Variants in GAREM1 observed in about 807,000 individuals in gnomAD.
The protein encoded by GAREM1 is GRB2 associated regulator of MAPK1 subtype 1.
Under a neutral mutation model 71.3 loss-of-function variants are expected in GAREM1, and 26 were observed. That is an observed-to-expected ratio of 0.36 (90% CI 0.27 to 0.51). The LOEUF (loss-of-function observed/expected upper bound fraction) is 0.51, where lower values mean the gene tolerates loss of function less well. Among genes scored for constraint, GAREM1 ranks in the 20% least tolerant of loss-of-function variants. GAREM1 has a pLI of 0.95. For missense variants in GAREM1, 1,026 were observed against 1,103.1 expected, an observed-to-expected ratio of 0.93 and a Z score of 0.99; for synonymous variants, 440 against 433.2, an observed-to-expected ratio of 1.02 and a Z score of -0.20.
intron 2 of GAREM1, among the ~76,000 whole-genome samples, chr18:32,337,011 G>A (rs1054050582): frequency 1.3e-5 from 2 of 152,180 alleles, no homozygotes; most frequent in African/African-American, 4.8e-5. Flanking sequence ...GGGTCCTTAA[G>A]TAAATGCCAT....
chr18:32,335,950 C>A (rs557835755), intron 2 of GAREM1, among the ~76,000 whole-genome samples: 42 of 152,240 alleles, frequency 2.8e-4, no homozygotes, highest in African/African-American at 9.4e-4. Context: ...CAACGGAGTG[C>A]ACTGTAAGCA....
intron 1 of GAREM1, among the ~76,000 whole-genome samples, chr18:32,459,290 C>CAAAA (rs2048929750): frequency 1.3e-5 from 2 of 151,794 alleles, no homozygotes; most frequent in East Asian, 3.9e-4. Context: ...TATATGAAAG[C>CAAAA]AAAACAAAAT....
At chr18:32,341,174 T>C (rs2047643960) in intron 2 of GAREM1, among the ~76,000 whole-genome samples, 1 of 152,146 alleles carries the variant, frequency 6.6e-6, no homozygotes, top group Non-Finnish European at 1.5e-5. Flanking sequence ...TTCCCCACCC[T>C]GTGTCCAAGT....
chr18:32,339,660 C>T (rs147258023), intron 2 of GAREM1, among the ~76,000 whole-genome samples: 171 of 152,356 alleles, frequency 1.1e-3, no homozygotes, highest in South Asian at 2.7e-3. Flanking sequence ...AATTCCTCTA[C>T]GATGCCTTGC....
At chr18:32,280,847 T>G (rs537327894) in intron 4 of GAREM1, among the ~76,000 whole-genome samples, 106 of 152,262 alleles carry the variant, frequency 7.0e-4, no homozygotes, top group South Asian at 2.1e-3. Flanking sequence ...GCCCATCTGC[T>G]GTGGGGATGG....
intron 1 of GAREM1, among the ~76,000 whole-genome samples, chr18:32,469,832 G>A (rs976500769): frequency 2.0e-5 from 3 of 152,306 alleles, no homozygotes; most frequent in Non-Finnish European, 4.4e-5. Flanking sequence ...TGAGAAATGT[G>A]ATCCTTTTCA....
intron 1 of GAREM1, among the ~76,000 whole-genome samples, chr18:32,449,884 C>T (rs986004960): frequency 2.0e-5 from 3 of 152,004 alleles, no homozygotes; most frequent in Non-Finnish European, 4.4e-5. Flanking sequence ...TGGGTAATCA[C>T]CAATGTCTAC....
chr18:32,338,109 T>C (rs16963135), intron 2 of GAREM1, among the ~76,000 whole-genome samples: 13,837 of 152,162 alleles, frequency 0.091, 1,106 homozygotes, highest in African/African-American at 0.21. Flanking sequence ...ATACAAAAAA[T>C]GCAGACGGAG....
chr18:32,339,619 C>G (rs1406511297), intron 2 of GAREM1, among the ~76,000 whole-genome samples: 1 of 152,158 alleles, frequency 6.6e-6, no homozygotes, highest in Non-Finnish European at 1.5e-5. Flanking sequence ...TCTTCCTAGC[C>G]CAGACCACCT....
At chr18:32,395,060 T>A (rs2048237525) in intron 1 of GAREM1, among the ~76,000 whole-genome samples, 2 of 152,184 alleles carry the variant, frequency 1.3e-5, no homozygotes, top group South Asian at 4.1e-4. Context: ...ATATTGTAAT[T>A]CAAGTTATAT....
chr18:32,434,459 G>T (rs2048655789), intron 1 of GAREM1, among the ~76,000 whole-genome samples: 1 of 152,064 alleles, frequency 6.6e-6, no homozygotes. Context: ...GGCATCTTGT[G>T]CTGTGTCAGA....
At chr18:32,369,967 T>C (rs529643001) in intron 2 of GAREM1, among the ~76,000 whole-genome samples, 6 of 152,188 alleles carry the variant, frequency 3.9e-5, no homozygotes, top group Non-Finnish European at 7.3e-5. Flanking sequence ...ACCCTTCACT[T>C]AGAGCTGTAA....
chr18:32,426,949 T>C (rs1013114214), intron 1 of GAREM1, among the ~76,000 whole-genome samples: 8 of 152,232 alleles, frequency 5.3e-5, no homozygotes, highest in Admixed American at 5.2e-4. Flanking sequence ...TTTCCCTCCA[T>C]ATATAGTCAT....
At chr18:32,311,254 G>A (rs1017859009) in intron 2 of GAREM1, among the ~76,000 whole-genome samples, 1 of 152,064 alleles carries the variant, frequency 6.6e-6, no homozygotes, top group Admixed American at 6.5e-5. Context: ...CTGAATCCTG[G>A]CTATAATATA....
intron 2 of GAREM1, among the ~76,000 whole-genome samples, chr18:32,390,307 G>C (rs1371259731): frequency 2.6e-5 from 4 of 152,094 alleles, no homozygotes; most frequent in Non-Finnish European, 5.9e-5. Flanking sequence ...CTTAAGATAT[G>C]AAACACAAAA....
chr18:32,419,155 T>C (rs749687042), intron 1 of GAREM1, among the ~76,000 whole-genome samples: 1 of 152,168 alleles, frequency 6.6e-6, no homozygotes, highest in Non-Finnish European at 1.5e-5. Flanking sequence ...CCCATCCCCT[T>C]CTCAGCACCA....
chr18:32,452,728 G>A (rs938630031), intron 1 of GAREM1, among the ~76,000 whole-genome samples: 2 of 152,124 alleles, frequency 1.3e-5, no homozygotes, highest in Non-Finnish European at 2.9e-5. Context: ...CTCCACAGCT[G>A]TTAAATGAAT....
At chr18:32,326,587 T>C (rs779160735) in intron 2 of GAREM1, among the ~76,000 whole-genome samples, 1 of 152,354 alleles carries the variant, frequency 6.6e-6, no homozygotes, top group African/African-American at 2.4e-5. Context: ...TGAATGAGTA[T>C]GCTTTCAAAC....
intron 1 of GAREM1, among the ~76,000 whole-genome samples, chr18:32,424,165 G>C (rs192800867): frequency 7.3e-4 from 111 of 151,672 alleles, no homozygotes; most frequent in Admixed American, 2.9e-3. Context: ...AAAAAAGCAA[G>C]TGTCTCACAG....
Sources: allele counts gnomAD v4.1 joint callset (sites outside exome capture counted in the v4.1 genomes callset), GRCh38; gene constraint gnomAD v4.1.1; transcripts MANE v1.5; gene names NCBI Gene and HGNC (gene_info 2026-07-23, HGNC 2026-07-21).